The following KIF16B variants were observed in gnomAD, a reference collection of about 807,000 sequenced individuals.
KIF16B encodes the protein kinesin family member 16B.
Under a neutral mutation model 156.3 loss-of-function variants are expected in KIF16B, and 98 were observed. The ratio of observed to expected loss-of-function variants is 0.63; its 90% CI spans 0.53 to 0.74. The LOEUF (loss-of-function observed/expected upper bound fraction) is 0.74, where lower values mean the gene tolerates loss of function less well. Among genes scored for constraint, KIF16B ranks in the 30% least tolerant of loss-of-function variants. The probability of loss-of-function intolerance (pLI) is 0.00; values close to 1 mark genes in which losing one functional copy is unlikely to be tolerated. For synonymous variants in KIF16B, 564 were observed against 583.7 expected, an observed-to-expected ratio of 0.97 and a Z score of 0.49; for missense variants, 1,421 against 1,606.5, an observed-to-expected ratio of 0.88 and a Z score of 1.97.
chr20:16,366,353 A>G (rs1022671892), intron 22 of KIF16B, among the ~76,000 whole-genome samples: 1 of 152,190 alleles, frequency 6.6e-6, no homozygotes, highest in Non-Finnish European at 1.5e-5. Flanking sequence ...TTGACAAGAC[A>G]GCAGAAAGAA....
At chr20:16,371,018 C>T (rs547048853) in intron 21 of KIF16B, among the ~76,000 whole-genome samples, 17 of 151,970 alleles carry the variant, frequency 1.1e-4, no homozygotes, top group African/African-American at 2.2e-4. Context: ...TAAATAACTA[C>T]GGAAATTGGA....
chr20:16,314,467 C>T (rs1259610458), intron 24 of KIF16B, among the ~76,000 whole-genome samples: 1 of 152,148 alleles, frequency 6.6e-6, no homozygotes, highest in Non-Finnish European at 1.5e-5. Context: ...GTTTCCCCAT[C>T]TCTGTTTCTC....
At chr20:16,507,774 G>A (rs2068830442) in intron 7 of KIF16B, among the ~76,000 whole-genome samples, 184 bp downstream of exon 7, 3 of 152,178 alleles carry the variant, frequency 2.0e-5, no homozygotes, top group African/African-American at 7.2e-5. Flanking sequence ...TCAAATTACT[G>A]TGATTGTAAC....
intron 1 of KIF16B, among the ~76,000 whole-genome samples, chr20:16,572,390 G>A (rs2122243257): frequency 6.6e-6 from 1 of 152,352 alleles, no homozygotes; most frequent in South Asian, 2.1e-4. Flanking sequence ...TGGTAGAGAA[G>A]TCAATAAAAT....
chr20:16,396,648 C>CTTTTTT (rs11476845), intron 17 of KIF16B, among the ~76,000 whole-genome samples: 1 of 124,670 alleles, frequency 8.0e-6, no homozygotes, highest in Non-Finnish European at 1.7e-5. Context: ...ACTGTAGTCG[C>CTTTTTT]TTTTTTTTTT....
At chr20:16,382,033 A>G (rs928572004) in intron 17 of KIF16B, 2 of 1,073,944 alleles carry the variant, frequency 1.9e-6, no homozygotes, top group African/African-American at 3.3e-5. Context: ...AGACTTCTAA[A>G]TGATAAGCAC....
At chr20:16,384,038 T>C (rs1360361768) in intron 17 of KIF16B, among the ~76,000 whole-genome samples, 5 of 152,232 alleles carry the variant, frequency 3.3e-5, no homozygotes, top group African/African-American at 4.8e-5. Context: ...TTAGAGTACA[T>C]AAGCAGCAGA....
intron 3 of KIF16B, among the ~76,000 whole-genome samples, chr20:16,521,127 A>C (rs1294289690): frequency 6.6e-6 from 1 of 151,872 alleles, no homozygotes; most frequent in Non-Finnish European, 1.5e-5. Context: ...AAGAATTACA[A>C]CTCCTCACCA....
At chr20:16,388,280 C>T (rs1221622451) in intron 17 of KIF16B, among the ~76,000 whole-genome samples, 2 of 152,120 alleles carry the variant, frequency 1.3e-5, no homozygotes, top group Non-Finnish European at 2.9e-5. Flanking sequence ...TTAAATATTA[C>T]ATATTTACTA....
At chr20:16,317,073 T>C (rs2063709249) in intron 24 of KIF16B, among the ~76,000 whole-genome samples, 1 of 152,234 alleles carries the variant, frequency 6.6e-6, no homozygotes, top group East Asian at 1.9e-4. Flanking sequence ...TTATTTGATT[T>C]CTCACGTTAA....
intron 12 of KIF16B, among the ~76,000 whole-genome samples, chr20:16,431,229 C>T (rs1248177560): frequency 1.3e-5 from 2 of 152,134 alleles, no homozygotes; most frequent in Non-Finnish European, 2.9e-5. Flanking sequence ...TCATGTCTCC[C>T]GTGATATACA....
chr20:16,403,076 A>G (rs753061935), intron 17 of KIF16B, among the ~76,000 whole-genome samples: 10 of 152,206 alleles, frequency 6.6e-5, no homozygotes, highest in Non-Finnish European at 1.5e-4. Flanking sequence ...TTGAATAGCC[A>G]TATTACATTA....
chr20:16,551,953 G>A (rs62196289), intron 1 of KIF16B, among the ~76,000 whole-genome samples: 5,851 of 152,222 alleles, frequency 0.038, 175 homozygotes, highest in African/African-American at 0.075. Context: ...GTGGGGGCGC[G>A]GAGCTAACAT....
At chr20:16,344,973 C>A (rs2064204878) in intron 23 of KIF16B, among the ~76,000 whole-genome samples, 1 of 152,184 alleles carries the variant, frequency 6.6e-6, no homozygotes, top group Non-Finnish European at 1.5e-5. Flanking sequence ...AGGAGAGCCC[C>A]TCTCCAAGGT....
chr20:16,486,538 T>C (rs1460625621), intron 12 of KIF16B, among the ~76,000 whole-genome samples: 1 of 152,142 alleles, frequency 6.6e-6, no homozygotes, highest in Non-Finnish European at 1.5e-5. Context: ...ACTGAGATCC[T>C]ACAGGCATGA....
Position 16,451,210 on chromosome 20 carries a change from AT to A in KIF16B, c.1303-21229del, listed in dbSNP as rs1229273287. On this transcript the variant is annotated intron_variant, in intron 12 of 25. Coordinates refer to ENST00000354981, the MANE Select transcript of KIF16B (RefSeq NM_024704.5). ...TGTGGCTAATGTCTTTAGGGAAAACATTTCTATAATTGTAACTTCCTTATTT... is the reference window on the plus strand; with the variant it reads ...TGTGGCTAATGTCTTTAGGGAAAACATTCTATAATTGTAACTTCCTTATTT... Among the ~76,000 whole-genome samples the A allele has an allele frequency of 3.3e-5, 5 of 152,184 alleles. No individual in the cohort carries two copies. In the East Asian group the frequency reaches 7.7e-4, roughly 23 times the overall value.
rs534822759 is a variant in KIF16B at position 16,562,556 on chromosome 20, G to C, written c.47+10673C>G. 1.4e-4 allele frequency among the ~76,000 whole-genome samples: 22 copies of C among 152,210 alleles called. 1 individual carries two copies. Among genetic ancestry groups the C allele is most frequent in the African/African-American group, 5.3e-4 (22 of 41,546 alleles). ...TCACGAGCAACCACAGAAAGTAAGAGGCATGTGTGGAGGGTGAGTGGAGAT... is the reference window on the plus strand; with the variant it reads ...TCACGAGCAACCACAGAAAGTAAGACGCATGTGTGGAGGGTGAGTGGAGAT... On this transcript the variant is annotated intron_variant, in intron 1 of 25. Coordinates refer to ENST00000354981, the MANE Select transcript of KIF16B (RefSeq NM_024704.5).
At chr20:16,547,073 A>C (rs1157202858) in intron 1 of KIF16B, among the ~76,000 whole-genome samples, 1 of 152,098 alleles carries the variant, frequency 6.6e-6, no homozygotes, top group East Asian at 1.9e-4. Flanking sequence ...CACCGCACCC[A>C]GCTTTCACTT....
intron 17 of KIF16B, among the ~76,000 whole-genome samples, chr20:16,400,608 CAA>C (rs2065629506): frequency 6.6e-6 from 1 of 152,144 alleles, no homozygotes. Context: ...TGAAAACAAT[CAA>C]AGAGTCCATC....
Sources: gnomAD v4.1 joint callset for allele counts (sites outside exome capture counted in the v4.1 genomes callset) on GRCh38, gnomAD v4.1.1 for gene constraint, MANE v1.5 for transcripts, NCBI Gene and HGNC (gene_info 2026-07-23, HGNC 2026-07-21) for gene names.